Variants in TRMT61A observed in about 807,000 individuals in gnomAD.
TRMT61A encodes the protein tRNA methyltransferase 61A.
TRMT61A carries 15 observed loss-of-function variants against 21.3 expected under a neutral mutation model. The ratio of observed to expected loss-of-function variants is 0.70; its 90% confidence interval spans 0.47 to 1.08. TRMT61A has a LOEUF of 1.08. TRMT61A is among the 50% of genes least tolerant of loss of function. The probability of loss-of-function intolerance (pLI) is 0.00; values close to 1 mark genes in which losing one functional copy is unlikely to be tolerated. For missense variants in TRMT61A, 352 were observed against 426.7 expected (o/e 0.83, Z 1.54); for synonymous variants, 183 against 185.5 (o/e 0.99, Z 0.11).
Position 103,532,564 on chromosome 14 carries a change from C to A in TRMT61A, c.332-18C>A, listed in dbSNP as rs752733440. On this transcript the variant is annotated intron_variant, in intron 2 of 3. Transcript: ENST00000389749. Reference sequence around the variant, plus strand: ...CAGTCCCAACTGATGCCTTGCCCATCCCTTCTTGTCCTGCCAGGCACCGGC... The same window carrying A: ...CAGTCCCAACTGATGCCTTGCCCATACCTTCTTGTCCTGCCAGGCACCGGC... 5 of 1,613,100 alleles carry A rather than the reference C, an allele frequency of 3.1e-6. No individual in the cohort carries two copies. The highest frequency in any genetic ancestry group is 4.2e-6 in the Non-Finnish European group (5 of 1,179,968).
chr14:103,531,563 G>A lies in TRMT61A; in HGVS notation c.332-1019G>A, dbSNP rs910362106. On this transcript the variant is annotated intron_variant, in intron 2 of 3. Transcript: ENST00000389749. The surrounding 1 kb of genome is among the most constrained non-coding windows in gnomAD (Gnocchi z 5.1). ...CTGACTTGCCCCTTAGTGGGAAGGG[G>A]GCATGGCCAGGCTTTGCAGAGGGGC... Among the ~76,000 whole-genome samples the A allele has an allele frequency of 3.3e-4, 51 of 152,288 alleles. No individual in the cohort carries two copies. The highest frequency in any genetic ancestry group is 3.4e-3 in the Middle Eastern group (1 of 294).
At position 103,531,338 on chromosome 14, in the gene TRMT61A, C is replaced by T. The variant is rs1427582386; in HGVS notation, c.331+1029C>T. The stretch of plus-strand genomic sequence containing the variant: ...CTCCAGCTAGGCCAGGCAGGGAAGA[C>T]CTCTCTGAGGAGGGGACATTTGAGT... On this transcript the variant is annotated intron_variant, in intron 2 of 3. Transcript: ENST00000389749. This position sits in a 1 kb window ranked among gnomAD's most constrained non-coding sequence, Gnocchi z 5.1. 6.6e-6 allele frequency among the ~76,000 whole-genome samples: 1 copy of T among 152,122 alleles called. No individual in the cohort carries two copies. The highest frequency in any genetic ancestry group is 2.4e-5 in the African/African-American group (1 of 41,408).
chr14:103,533,082 C>G (rs1174736105), intron 3 of TRMT61A, among the ~76,000 whole-genome samples: 1 of 152,230 alleles, frequency 6.6e-6, no homozygotes, highest in Admixed American at 6.5e-5. Context: ...CTCTCCCAAC[C>G]CCCTGATGGA....
rs1287199615 is a variant in TRMT61A at position 103,535,149 on chromosome 14, G to T, written c.*328G>T. 3.4e-6 allele frequency: 2 copies of T among 588,688 alleles called. No homozygotes were observed. Among genetic ancestry groups the T allele is most frequent in the Non-Finnish European group, 3.2e-6 (1 of 311,246 alleles). 36.5% of individuals were successfully genotyped at this position (588,688 alleles called of 1,614,324 possible). On this transcript the variant is annotated 3_prime_UTR_variant, in exon 4 of 4. Transcript: ENST00000389749. ...GGGAGTCTGACCCCCTCCCAGGTGG[G>T]CCTAAGCAGGAAGGGGGTGGAGGAG...
rs2075948137 is a variant in TRMT61A at position 103,530,029 on chromosome 14, C to A, written c.51C>A (p.Ile17=). The A allele has an allele frequency of 6.2e-7, 1 of 1,612,652 alleles. No individual in the cohort carries two copies. The highest frequency in any genetic ancestry group is 8.5e-7 in the Non-Finnish European group (1 of 1,179,780). ...EELIKEGDTA[I]LSLGHGAMVA... ...TGATCAAGGAGGGTGACACGGCCATCCTGTCACTGGGCCATGGTGCAATGG... is the reference window on the plus strand; with the variant it reads ...TGATCAAGGAGGGTGACACGGCCATACTGTCACTGGGCCATGGTGCAATGG... Residue 17 remains isoleucine, a synonymous_variant, in exon 2 of 4, where the codon ATC becomes ATA. Coordinates refer to ENST00000389749, the MANE Select transcript of TRMT61A (RefSeq NM_152307.3).
At position 103,532,762 on chromosome 14, in the gene TRMT61A, T is replaced by C. The variant is rs373210459; in HGVS notation, c.512T>C (p.Val171Ala). 6.3e-7 allele frequency: 1 copy of C among 1,588,438 alleles called. No homozygotes were observed. Residue 171 changes from valine (V) to alanine (A), a missense_variant, in exon 3 of 4, where the codon GTG (valine) becomes GCG (alanine). By Grantham distance (64) the Val-to-Ala change is moderately conservative. Transcript: ENST00000389749. ...TQDVCRSGFG[V>A]SHVADAVFLD... ...GACGTGTGCCGCAGTGGCTTTGGCG[T>C]GAGCCACGTGGCCGACGCCGTCTTC...
At position 103,534,563 on chromosome 14, in the gene TRMT61A, C is replaced by G; in HGVS notation, c.612C>G (p.Cys204Trp). 6.4e-7 allele frequency: 1 copy of G among 1,564,606 alleles called. No individual in the cohort carries two copies. The highest frequency in any genetic ancestry group is 8.7e-7 in the Non-Finnish European group (1 of 1,149,350). ...TGTTTCCCACAGGCGGGCGCTTCTG[C>G]TCCTTCTCACCGTGCATCGAGCAGG... ...DALKVEGGRFCSFSPCIEQVQ... is the reference protein window; with the variant it reads ...DALKVEGGRFWSFSPCIEQVQ... The change falls in exon 4 of 4, where the codon TGC becomes TGG. Residue 204 changes from cysteine to tryptophan, a missense_variant. Physicochemically the swap from Cys to Trp is radical, Grantham distance 215. Coordinates refer to ENST00000389749, the MANE Select transcript of TRMT61A (RefSeq NM_152307.3).
chr14:103,533,123 C>T (rs552893948), intron 3 of TRMT61A, among the ~76,000 whole-genome samples: 4 of 152,342 alleles, frequency 2.6e-5, no homozygotes, highest in African/African-American at 9.6e-5. Flanking sequence ...AAGTGCAGGG[C>T]AGGCCCGGCC....
intron 2 of TRMT61A, 80 bp from the exon 3 acceptor site, chr14:103,532,502 G>A: frequency 6.4e-7 from 1 of 1,565,982 alleles, no homozygotes; most frequent in Non-Finnish European, 8.8e-7. Flanking sequence ...TCCAGGGTGA[G>A]GTGGGGGTTG....
chr14:103,531,212 G>A lies in TRMT61A; in HGVS notation c.331+903G>A, dbSNP rs971454289. 6.6e-6 allele frequency among the ~76,000 whole-genome samples: 1 copy of A among 152,178 alleles called. No individual in the cohort carries two copies. Among genetic ancestry groups the A allele is most frequent in the African/African-American group, 2.4e-5 (1 of 41,446 alleles). On this transcript the variant is annotated intron_variant, in intron 2 of 3. Transcript: ENST00000389749. This position sits in a 1 kb window ranked among gnomAD's most constrained non-coding sequence, Gnocchi z 5.1. ...CTAGAGAGACCAGGTTCCTGCCCTC[G>A]AGGAGGGGGACACAGCCTAGGTGAG...
rs374883444 is a variant in TRMT61A, at chr14:103,530,301, G to A, written c.323G>A (p.Cys108Tyr). ...GAGCTTCGGCCCGGCTCTGTGGTCT[G>A]TGAGTCTGGTGAGTTCCTCAGGCTG... is the stretch of plus-strand genomic sequence containing the variant. Reference protein sequence around the residue: ...MLELRPGSVVCESGTGSGSVS... With the variant: ...MLELRPGSVVYESGTGSGSVS... The change falls in exon 2 of 4, where the codon TGT becomes TAT. Residue 108 changes from cysteine to tyrosine, a missense_variant. Cys to Tyr is a radical substitution (Grantham distance 194, BLOSUM62 -2). Transcript: ENST00000389749. The A allele has an allele frequency of 6.3e-7, 1 of 1,581,158 alleles. No homozygotes were observed. Among genetic ancestry groups the A allele is most frequent in the Non-Finnish European group, 8.7e-7 (1 of 1,155,394 alleles).
rs2075955125 is a variant in TRMT61A, at chr14:103,531,775, G to A, written c.332-807G>A. On this transcript the variant is annotated intron_variant, in intron 2 of 3. Coordinates refer to ENST00000389749, the MANE Select transcript of TRMT61A (RefSeq NM_152307.3). This position sits in a 1 kb window ranked among gnomAD's most constrained non-coding sequence, Gnocchi z 5.1. Reference sequence around the variant, plus strand: ...TGGGTTCCAGGCATGGGTGGCAAGTGTGCAGTGGCTGCTCTAGCAGGAGTC... The same window carrying A: ...TGGGTTCCAGGCATGGGTGGCAAGTATGCAGTGGCTGCTCTAGCAGGAGTC... 6.6e-6 allele frequency among the ~76,000 whole-genome samples: 1 copy of A among 152,180 alleles called. No individual in the cohort carries two copies. The highest frequency in any genetic ancestry group is 1.5e-5 in the Non-Finnish European group (1 of 68,022).
In TRMT61A at chr14:103,534,952, T is replaced by A; in HGVS notation, c.*131T>A. The A allele has an allele frequency of 2.5e-6, 3 of 1,189,886 alleles. No homozygotes were observed. Among genetic ancestry groups the A allele is most frequent in the Non-Finnish European group, 3.6e-6 (3 of 831,506 alleles). The allele number at this position is 1,189,886 out of a possible 1,614,324, so 73.7% of individuals were successfully genotyped here. A position where few individuals can be genotyped will look rare whatever the true frequency, so the allele number is the denominator to read the frequency against. On this transcript the variant is annotated 3_prime_UTR_variant, in exon 4 of 4. Transcript: ENST00000389749. ...GGGTGGGGCTTGGGGGCCTCCTGGG[T>A]GGCCAGAGTGGGACAGCAGGAAGGG...
rs1596002112 is a variant in TRMT61A, at chr14:103,536,691, G to A, written c.*1870G>A. On this transcript the variant is annotated 3_prime_UTR_variant, in exon 4 of 4. Coordinates refer to ENST00000389749, the MANE Select transcript of TRMT61A (RefSeq NM_152307.3). ...AAGGCCTGCATGGTGTCTGATGGGT[G>A]GACACCGGGAGGTGTTTCTTTGAGG... 1.3e-5 allele frequency: 2 copies of A among 152,402 alleles called. No homozygotes were observed. The highest frequency in any genetic ancestry group is 6.5e-5 in the Admixed American group (1 of 15,288). 9.4% of individuals were successfully genotyped at this position (152,402 alleles called of 1,614,324 possible). A position where few individuals can be genotyped will look rare whatever the true frequency, so the allele number is the denominator to read the frequency against.
chr14:103,534,622 G>A lies in TRMT61A; in HGVS notation c.671G>A (p.Gly224Asp). 1.9e-6 allele frequency: 3 copies of A among 1,606,994 alleles called. No homozygotes were observed. Among genetic ancestry groups the A allele is most frequent in the East Asian group, 4.5e-5 (2 of 44,658 alleles). Residue 224 changes from glycine to aspartate, a missense_variant, in exon 4 of 4, where the codon GGC becomes GAC. By Grantham distance (94) the Gly-to-Asp change is moderately conservative. Transcript: ENST00000389749. ...QRTCQALAAR[G>D]FSELSTLEVL... ...ACATGCCAGGCGCTGGCAGCGCGCG[G>A]CTTCTCAGAGCTGAGCACCCTGGAG...
chr14:103,529,931 T>G lies in TRMT61A; in HGVS notation c.-29-19T>G, dbSNP rs377576163. 1.3e-4 allele frequency: 201 copies of G among 1,534,556 alleles called. No homozygotes were observed. Among genetic ancestry groups the G allele is most frequent in the Middle Eastern group, 2.0e-4 (1 of 5,122 alleles). ...TCCTGCCTCCTGACTTGCTCATGCC[T>G]ACACACACCCCTCCCCAGGTCCTTG... On this transcript the variant is annotated intron_variant, in intron 1 of 3. Coordinates refer to ENST00000389749, the MANE Select transcript of TRMT61A (RefSeq NM_152307.3).
intron 2 of TRMT61A, among the ~76,000 whole-genome samples, chr14:103,530,832 G>A (rs2075951830): frequency 6.6e-6 from 1 of 152,248 alleles, no homozygotes; most frequent in African/African-American, 2.4e-5. Flanking sequence ...TACAGGTGCT[G>A]GGGCCGCCCA....
chr14:103,534,005 G>T (rs1189913183), intron 3 of TRMT61A, among the ~76,000 whole-genome samples: 1 of 152,254 alleles, frequency 6.6e-6, no homozygotes. Flanking sequence ...CAGGGACCCG[G>T]GCTGGGTTCT....
chr14:103,531,182 G>A lies in TRMT61A; in HGVS notation c.331+873G>A, dbSNP rs1188603089. ...TATGCCAGGTCCCCTCCTAGGAACC[G>A]TGAACTAGAGAGACCAGGTTCCTGC... On this transcript the variant is annotated intron_variant, in intron 2 of 3. Transcript: ENST00000389749. The surrounding 1 kb of genome is among the most constrained non-coding windows in gnomAD (Gnocchi z 5.1). Among the ~76,000 whole-genome samples, 1 of 152,152 alleles carries A rather than the reference G, an allele frequency of 6.6e-6. No individual in the cohort carries two copies. The highest frequency in any genetic ancestry group is 1.5e-5 in the Non-Finnish European group (1 of 68,008).
Sources: allele counts gnomAD v4.1 joint callset (sites outside exome capture counted in the v4.1 genomes callset), GRCh38; gene constraint gnomAD v4.1.1; non-coding constraint Gnocchi (gnomAD v3.1); transcripts MANE v1.5; gene names NCBI Gene and HGNC (gene_info 2026-07-23, HGNC 2026-07-21).